The following MTMR8 variants were observed in gnomAD, a reference collection of about 807,000 sequenced individuals.
MTMR8 encodes phosphatidylinositol-3,5-bisphosphate 3-phosphatase MTMR8.
In MTMR8, 65 loss-of-function variants were observed where a neutral mutation model predicts 39.3. The observed-to-expected ratio is 1.65, with a 90% CI of 1.35 to 2.03. The LOEUF is 2.03. Ranked by LOEUF, MTMR8 falls within the 30% of genes most tolerant of loss-of-function variation. The pLI is 0.00. For missense variants in MTMR8, 777 were observed against 538.9 expected (o/e 1.44, Z -4.37); for synonymous variants, 245 against 185.2 (o/e 1.32, Z -2.62).
chrX:64,386,804 G>T (rs1924571203), intron 1 of MTMR8, among the ~76,000 whole-genome samples: 1 of 110,927 alleles, frequency 9.0e-6, no homozygotes, highest in Admixed American at 9.6e-5. Context: ...AGAACTTTGG[G>T]AGGCCCAAGT....
intron 1 of MTMR8, among the ~76,000 whole-genome samples, chrX:64,390,822 AT>A (rs917249569): frequency 9.1e-6 from 1 of 109,396 alleles, no homozygotes; most frequent in Non-Finnish European, 1.9e-5. Context: ...CACCCAGCTA[AT>A]TTTTTTTAAT....
intron 10 of MTMR8, among the ~76,000 whole-genome samples, chrX:64,334,675 C>T (rs972980433): frequency 1.8e-5 from 2 of 109,535 alleles, no homozygotes; most frequent in African/African-American, 6.6e-5. Flanking sequence ...CACCCTTTGA[C>T]CCAGCCACAC....
intron 1 of MTMR8, among the ~76,000 whole-genome samples, chrX:64,383,611 G>A (rs754429376): frequency 9.1e-6 from 1 of 109,846 alleles, no homozygotes; most frequent in African/African-American, 3.3e-5. Context: ...CTCACACTGC[G>A]AGAGAAGAAG....
intron 3 of MTMR8, among the ~76,000 whole-genome samples, chrX:64,355,313 G>A (rs757951386): frequency 4.8e-4 from 54 of 111,808 alleles, no homozygotes; most frequent in Non-Finnish European, 8.3e-4. Context: ...ATTGTAACAT[G>A]TTGCACATCT....
chrX:64,358,360 G>T (rs1048236913), intron 2 of MTMR8, among the ~76,000 whole-genome samples: 1 of 111,345 alleles, frequency 9.0e-6, no homozygotes. Flanking sequence ...AGTTTTAAAA[G>T]GAAGTATTAA....
chrX:64,269,306 A>G (rs1056572245), intron 13 of MTMR8, among the ~76,000 whole-genome samples: 19 of 111,626 alleles, frequency 1.7e-4, no homozygotes, highest in Non-Finnish European at 3.0e-4. Flanking sequence ...AGATGGGGAG[A>G]GGGCAGGGGA....
chrX:64,360,796 G>T (rs1293117614), intron 1 of MTMR8, among the ~76,000 whole-genome samples: 2 of 111,555 alleles, frequency 1.8e-5, no homozygotes. Flanking sequence ...AGTTAAACAA[G>T]AACTAAGAAG....
intron 12 of MTMR8, among the ~76,000 whole-genome samples, chrX:64,304,857 CATTT>C (rs1922025823): frequency 1.1e-4 from 3 of 28,236 alleles, no homozygotes; most frequent in Non-Finnish European, 2.3e-4. Flanking sequence ...ATGGATCAAA[CATTT>C]ATATATATAT....
chrX:64,345,463 C>A lies in MTMR8; in HGVS notation c.733-286G>T, dbSNP rs187319774. 6.0e-3 allele frequency among the ~76,000 whole-genome samples: 670 copies of A among 111,906 alleles called. 4 individuals are homozygous for A. The highest frequency in any genetic ancestry group is 9.5e-3 in the Non-Finnish European group (505 of 53,186). On this transcript the variant is annotated intron_variant, in intron 6 of 13. Transcript: ENST00000374852. ...TATGGCAGCTATGAGGATATCTGAT[C>A]TAAAAAACTGAAATAATAATTTTGA...
chrX:64,335,969 C>T (rs1382736833), intron 10 of MTMR8, 110 bp downstream of exon 10: 3 of 511,985 alleles, frequency 5.9e-6, no homozygotes, highest in African/African-American at 2.4e-5. Flanking sequence ...GAGATTTATG[C>T]CATGTTCAAC....
At chrX:64,284,700 C>G (rs1388232192) in intron 12 of MTMR8, among the ~76,000 whole-genome samples, 1 of 111,226 alleles carries the variant, frequency 9.0e-6, no homozygotes, top group Admixed American at 9.6e-5. Flanking sequence ...ATTTTCAACC[C>G]AGAATTTCAT....
intron 12 of MTMR8, among the ~76,000 whole-genome samples, chrX:64,308,966 C>A (rs991507742): frequency 1.8e-5 from 2 of 111,835 alleles, no homozygotes; most frequent in Non-Finnish European, 3.8e-5. Flanking sequence ...TCTATTTGTA[C>A]TTGTTGTTTG....
intron 12 of MTMR8, among the ~76,000 whole-genome samples, chrX:64,316,071 C>T (rs932750380): frequency 9.0e-6 from 1 of 111,494 alleles, no homozygotes; most frequent in Non-Finnish European, 1.9e-5. Flanking sequence ...TTAAACATTT[C>T]CTCTCTATAC....
At chrX:64,395,209 A>G in intron 1 of MTMR8, 131 bp downstream of exon 1, 1 of 674,575 alleles carries the variant, frequency 1.5e-6, no homozygotes. Context: ...ACCCAGAAAG[A>G]GAACCCGGGA....
intron 12 of MTMR8, among the ~76,000 whole-genome samples, chrX:64,314,446 G>A (rs1223076756): frequency 3.6e-5 from 4 of 112,562 alleles, no homozygotes; most frequent in Non-Finnish European, 7.5e-5. Flanking sequence ...TGGGGGTAGG[G>A]CACTGGTGGG....
At chrX:64,363,889 A>G (rs1213254783) in intron 1 of MTMR8, among the ~76,000 whole-genome samples, 3 of 111,895 alleles carry the variant, frequency 2.7e-5, no homozygotes, top group East Asian at 2.8e-4. Context: ...CCTCCCAAAT[A>G]CTGTGCTTTT....
intron 9 of MTMR8, among the ~76,000 whole-genome samples, chrX:64,336,599 A>T (rs765906572): frequency 1.5e-4 from 16 of 110,319 alleles, no homozygotes; most frequent in Non-Finnish European, 2.8e-4. Context: ...GGAGTTTGAG[A>T]CCAGACTGGC....
chrX:64,354,769 A>G lies in MTMR8; in HGVS notation c.468+8T>C. On this transcript the variant is annotated splice_region_variant and intron_variant, in intron 4 of 13. Transcript: ENST00000374852. ...GCACCAAAAGGCAAACAACAAGGACAAAATTACCTCATAGTTTCTGTTGGC... is the reference window on the plus strand; with the variant it reads ...GCACCAAAAGGCAAACAACAAGGACGAAATTACCTCATAGTTTCTGTTGGC... 1 of 1,168,455 alleles carries G rather than the reference A, an allele frequency of 8.6e-7. No homozygotes were observed. The highest frequency in any genetic ancestry group is 1.1e-6 in the Non-Finnish European group (1 of 875,484).
At chrX:64,376,726 G>C (rs1013324542) in intron 1 of MTMR8, among the ~76,000 whole-genome samples, 1 of 112,472 alleles carries the variant, frequency 8.9e-6, no homozygotes, top group Non-Finnish European at 1.9e-5. Context: ...CATTTTCAGG[G>C]GAGGAATTCA....
Sources: allele counts gnomAD v4.1 joint callset (sites outside exome capture counted in the v4.1 genomes callset), GRCh38; gene constraint gnomAD v4.1.1; transcripts MANE v1.5; gene names NCBI Gene and HGNC (gene_info 2026-07-23, HGNC 2026-07-21).